The following SGK1 variants were observed in gnomAD, a reference collection of about 807,000 sequenced individuals.
SGK1 encodes serum/glucocorticoid regulated kinase 1.
A neutral mutation model predicts 64.2 loss-of-function variants in SGK1; 26 were observed. The ratio of observed to expected loss-of-function variants is 0.40; its 90% CI spans 0.30 to 0.56. The LOEUF is 0.56. Among genes scored for constraint, SGK1 ranks in the 20% least tolerant of loss-of-function variants. The pLI is 0.38. For missense variants in SGK1, 519 were observed against 645.6 expected, an observed-to-expected ratio of 0.80 and a Z score of 2.12; for synonymous variants, 265 against 239.7, an observed-to-expected ratio of 1.11 and a Z score of -0.98.
rs113969373 is a variant in SGK1 at position 134,182,896 on chromosome 6, A to C, written c.362-8310T>G. Among the ~76,000 whole-genome samples, 1,157 of 152,340 alleles carry C rather than the reference A, an allele frequency of 7.6e-3. 19 individuals carry two copies. The highest frequency in any genetic ancestry group is 0.027 in the African/African-American group (1,112 of 41,572). On this transcript the variant is annotated intron_variant, in intron 3 of 13. Transcript: ENST00000367858. Reference sequence around the variant, plus strand: ...TGTTTACCAAGTGTTTGCAGCAAAGACTGAAGTTTAGTGTGAAAAAAGTGG... The same window carrying C: ...TGTTTACCAAGTGTTTGCAGCAAAGCCTGAAGTTTAGTGTGAAAAAAGTGG...
chr6:134,226,135 AAAGAAGGAAGGAAGG>A (rs1280453506), intron 2 of SGK1, among the ~76,000 whole-genome samples: 12 of 151,762 alleles, frequency 7.9e-5, no homozygotes, highest in African/African-American at 2.7e-4. Context: ...GAAAGAAAGG[AAAGAAGGAAGGAAGG>A]AAGAAGAAAA....
intron 1 of SGK1, among the ~76,000 whole-genome samples, chr6:134,286,529 C>G (rs574615508): frequency 4.1e-5 from 6 of 147,600 alleles, no homozygotes. Context: ...TGCAGTGGCG[C>G]GATCTCGGCT....
chr6:134,184,504 CAAAAAAA>C (rs1162404618), intron 3 of SGK1, among the ~76,000 whole-genome samples: 37 of 63,576 alleles, frequency 5.8e-4, no homozygotes, highest in Middle Eastern at 0.011. Context: ...GACTCCATCT[CAAAAAAA>C]AAAAAAAAAA....
intron 2 of SGK1, among the ~76,000 whole-genome samples, chr6:134,218,277 A>C (rs552445288): frequency 1.3e-5 from 2 of 152,292 alleles, no homozygotes; most frequent in Admixed American, 6.5e-5. Context: ...TAAAACTCAA[A>C]TTTATCCTCA....
Position 134,269,671 on chromosome 6 carries a change from A to G in SGK1, c.70-7523T>C, listed in dbSNP as rs549418075. Reference sequence around the variant, plus strand: ...AGACTCTGTCTCAAAAAAAAAAAAAAAGAGAGAGAGAAAGTAAGAGACCTG... The same window carrying G: ...AGACTCTGTCTCAAAAAAAAAAAAAGAGAGAGAGAGAAAGTAAGAGACCTG... On this transcript the variant is annotated intron_variant, in intron 1 of 13. Coordinates refer to ENST00000367858, the MANE Select transcript of SGK1 (RefSeq NM_001143676.3). 1.2e-3 allele frequency among the ~76,000 whole-genome samples: 178 copies of G among 146,650 alleles called. 8 individuals carry two copies. The highest frequency in any genetic ancestry group is 3.6e-3 in the African/African-American group (149 of 41,018).
In SGK1 at chr6:134,172,332, T is replaced by C. The variant is rs894495021; in HGVS notation, c.948-16A>G. 1 of 1,539,722 alleles carries C rather than the reference T, an allele frequency of 6.5e-7. No homozygotes were observed. The highest frequency in any genetic ancestry group is 1.3e-5 in the African/African-American group (1 of 74,078). On this transcript the variant is annotated splice_polypyrimidine_tract_variant and intron_variant, in intron 9 of 13. Transcript: ENST00000367858. ...TTTTAAGTCTCTGTAAAAAAGTGAA[T>C]AGAAAAGTAGTTGCACAAGTTAATT...
chr6:134,256,789 C>G (rs1776691348), intron 2 of SGK1, among the ~76,000 whole-genome samples: 1 of 152,154 alleles, frequency 6.6e-6, no homozygotes, highest in East Asian at 1.9e-4. Context: ...CCATTTCAGA[C>G]AGCACTCCTC....
chr6:134,232,171 G>A (rs553113686), intron 2 of SGK1, among the ~76,000 whole-genome samples: 15 of 150,990 alleles, frequency 9.9e-5, no homozygotes, highest in South Asian at 2.1e-4. Flanking sequence ...GGTGGAGCAC[G>A]AGGTCGAGAG....
intron 1 of SGK1, 44 bp downstream of exon 1, chr6:134,317,348 G>C (rs527411670): frequency 5.5e-5 from 66 of 1,206,380 alleles, no homozygotes; most frequent in Non-Finnish European, 7.9e-5. Context: ...AAGCATTTAA[G>C]AGAAGCACAG....
chr6:134,268,155 A>G (rs1175416825), intron 1 of SGK1, among the ~76,000 whole-genome samples: 1 of 152,196 alleles, frequency 6.6e-6, no homozygotes, highest in Admixed American at 6.5e-5. Flanking sequence ...TCAAGCTACA[A>G]CTGGCCCATT....
At chr6:134,295,688 G>C (rs1348096354) in intron 1 of SGK1, among the ~76,000 whole-genome samples, 1 of 149,914 alleles carries the variant, frequency 6.7e-6, no homozygotes, top group South Asian at 2.1e-4. Context: ...AGACAACAGA[G>C]TGAGACTCCA....
chr6:134,172,863 G>C (rs1027748304), intron 8 of SGK1, 89 bp from the exon 9 acceptor site: 8 of 1,208,122 alleles, frequency 6.6e-6, no homozygotes, highest in Non-Finnish European at 9.8e-6. Flanking sequence ...GCAGGAAGTG[G>C]CCCCAAGTAA....
Position 134,270,144 on chromosome 6 carries a change from C to T in SGK1, c.70-7996G>A, listed in dbSNP as rs186767335. Among the ~76,000 whole-genome samples, 792 of 148,156 alleles carry T rather than the reference C, an allele frequency of 5.3e-3. 91 individuals carry two copies. The South Asian group carries it at 0.076, about 14-fold the overall frequency. On this transcript the variant is annotated intron_variant, in intron 1 of 13. Coordinates refer to ENST00000367858, the MANE Select transcript of SGK1 (RefSeq NM_001143676.3). ...CCATGTTCGTCAGGCTGATCTCGAA[C>T]TCCTGACCTCAGGTGATCCATCCAC...
At chr6:134,272,132 G>A (rs544871140) in intron 1 of SGK1, among the ~76,000 whole-genome samples, 71 of 134,320 alleles carry the variant, frequency 5.3e-4, no homozygotes, top group African/African-American at 1.9e-3. Flanking sequence ...ATGAGCCACC[G>A]TGCCCAGCCT....
chr6:134,177,856 T>C, intron 3 of SGK1: 2 of 1,588,138 alleles, frequency 1.3e-6, no homozygotes, highest in Non-Finnish European at 8.6e-7. Context: ...ATCCCTGTTC[T>C]GTTATGAACC....
chr6:134,241,001 T>C (rs961641219), intron 2 of SGK1, among the ~76,000 whole-genome samples: 3 of 151,846 alleles, frequency 2.0e-5, no homozygotes, highest in African/African-American at 7.3e-5. Flanking sequence ...GAAAATCAAA[T>C]CTCAATTAAG....
At chr6:134,305,430 C>T (rs1777521188) in intron 1 of SGK1, among the ~76,000 whole-genome samples, 1 of 149,190 alleles carries the variant, frequency 6.7e-6, no homozygotes, top group Non-Finnish European at 1.5e-5. Flanking sequence ...AAAATTAGCC[C>T]AGCGTGGTGG....
intron 1 of SGK1, among the ~76,000 whole-genome samples, chr6:134,316,274 A>C (rs1777683299): frequency 6.6e-6 from 1 of 152,168 alleles, no homozygotes; most frequent in Non-Finnish European, 1.5e-5. Flanking sequence ...CCCACCCTGA[A>C]ATTCACTGTG....
Position 134,174,864 on chromosome 6 carries a change from T to A in SGK1, c.362-278A>T, listed in dbSNP as rs889631630. The stretch of plus-strand genomic sequence containing the variant: ...GCTCAAAGACCGGCTCGGCGTATGC[T>A]GCGCCAGGCCGCGCGCTCGGCCTTA... On this transcript the variant is annotated intron_variant, in intron 3 of 13. Coordinates refer to ENST00000367858, the MANE Select transcript of SGK1 (RefSeq NM_001143676.3). 4.3e-6 allele frequency: 7 copies of A among 1,609,990 alleles called. No homozygotes were observed. In the East Asian group the frequency reaches 1.1e-4, roughly 26 times the overall value.
Sources: gnomAD v4.1 joint callset for allele counts (sites outside exome capture counted in the v4.1 genomes callset) on GRCh38, gnomAD v4.1.1 for gene constraint, MANE v1.5 for transcripts, NCBI Gene and HGNC (gene_info 2026-07-23, HGNC 2026-07-21) for gene names.